Variants in SKAP1 observed in about 807,000 individuals in gnomAD.
The protein encoded by SKAP1 is src kinase associated phosphoprotein 1.
SKAP1 carries 44 observed loss-of-function variants against 58.5 expected under a neutral mutation model. That is an observed-to-expected ratio of 0.75 (90% CI 0.59 to 0.97). The LOEUF (loss-of-function observed/expected upper bound fraction) is 0.97. Ranked by LOEUF, SKAP1 falls within the 50% of genes least tolerant of loss-of-function variation. The pLI is 0.00. For synonymous variants in SKAP1, 127 were observed against 149.7 expected (o/e 0.85, Z 1.11); for missense variants, 390 against 435.2 (o/e 0.90, Z 0.92).
intron 4 of SKAP1, among the ~76,000 whole-genome samples, chr17:48,271,487 C>T (rs1011400037): frequency 2.0e-5 from 3 of 151,438 alleles, no homozygotes. Context: ...ACACCTCAGC[C>T]TCTTGAGTAG....
intron 4 of SKAP1, among the ~76,000 whole-genome samples, chr17:48,330,595 G>T (rs190730275): frequency 6.6e-6 from 1 of 152,204 alleles, no homozygotes; most frequent in Non-Finnish European, 1.5e-5. Context: ...TCTGCAACCC[G>T]CCCTCTTCAT....
At chr17:48,411,441 G>A (rs1161587019) in intron 1 of SKAP1, among the ~76,000 whole-genome samples, 1 of 138,798 alleles carries the variant, frequency 7.2e-6, no homozygotes, top group Non-Finnish European at 1.6e-5. Context: ...AAATAAATGG[G>A]AGACAAGAGA....
At position 48,408,707 on chromosome 17, in the gene SKAP1, T is replaced by C. The variant is rs187840256; in HGVS notation, c.47-11922A>G. Among the ~76,000 whole-genome samples the C allele has an allele frequency of 3.2e-4, 49 of 152,342 alleles. 1 individual carries two copies. The South Asian group carries it at 4.8e-3, about 15-fold the overall frequency. On this transcript the variant is annotated intron_variant, in intron 1 of 12. Coordinates refer to ENST00000336915, the MANE Select transcript of SKAP1 (RefSeq NM_003726.4). ...GATAAATGGCAAAAATGTCATCTAA[T>C]GGTATTTATATCTACTAGTGACAAA...
At chr17:48,182,802 A>G (rs1028802777) in intron 7 of SKAP1, among the ~76,000 whole-genome samples, 2 of 152,246 alleles carry the variant, frequency 1.3e-5, no homozygotes, top group Non-Finnish European at 2.9e-5. Context: ...GAACACTAAA[A>G]GGAGGCACAT....
At chr17:48,441,128 A>G in the SKAP1 span, among the ~76,000 whole-genome samples, 1 of 152,150 alleles carries the variant, frequency 6.6e-6, no homozygotes, top group African/African-American at 2.4e-5. Flanking sequence ...CAAAAACCAA[A>G]CAAACAAACA....
chr17:48,333,813 C>T (rs12950437), intron 4 of SKAP1, among the ~76,000 whole-genome samples: 4,475 of 151,946 alleles, frequency 0.029, 243 homozygotes, highest in African/African-American at 0.1. Flanking sequence ...AGGGGGAAAA[C>T]ATTTAAAATA....
upstream of SKAP1, among the ~76,000 whole-genome samples, chr17:48,434,013 G>A (rs1567912728): frequency 6.6e-6 from 1 of 152,210 alleles, no homozygotes; most frequent in South Asian, 2.1e-4. Context: ...GCTGAAATGG[G>A]TCTGGAGAGG....
At chr17:48,287,156 A>G in intron 4 of SKAP1, among the ~76,000 whole-genome samples, 1 of 151,922 alleles carries the variant, frequency 6.6e-6, no homozygotes, top group East Asian at 1.9e-4. Context: ...CATCTAGATA[A>G]TTTTAATTTC....
intron 4 of SKAP1, among the ~76,000 whole-genome samples, chr17:48,321,666 C>T: frequency 6.6e-6 from 1 of 152,128 alleles, no homozygotes. Flanking sequence ...GCGTGAGCCA[C>T]CGCGCTCGGC....
intron 1 of SKAP1, among the ~76,000 whole-genome samples, chr17:48,419,287 CTT>C (rs1206720011): frequency 1.4e-5 from 2 of 142,626 alleles, no homozygotes; most frequent in East Asian, 2.0e-4. Flanking sequence ...GAATTTGGGG[CTT>C]TTTTTTTTTT....
intron 4 of SKAP1, among the ~76,000 whole-genome samples, chr17:48,330,784 C>T (rs192415682): frequency 2.0e-5 from 3 of 150,330 alleles, no homozygotes; most frequent in Non-Finnish European, 4.4e-5. Flanking sequence ...TGAAGAGTGG[C>T]GAATCACAAA....
chr17:48,146,288 C>T (rs2063831839), intron 11 of SKAP1, among the ~76,000 whole-genome samples: 1 of 151,858 alleles, frequency 6.6e-6, no homozygotes, highest in South Asian at 2.1e-4. Flanking sequence ...GTCAGGAGTT[C>T]GAGACCAGCC....
chr17:48,180,324 G>A, intron 8 of SKAP1, 76 bp from the exon 9 acceptor site: 1 of 1,109,058 alleles, frequency 9.0e-7, no homozygotes, highest in Admixed American at 2.8e-5. Context: ...GAGGGAGAAG[G>A]AGGAGGAGGG....
At chr17:48,192,708 T>G (rs2064564765) in intron 4 of SKAP1, among the ~76,000 whole-genome samples, 1 of 152,218 alleles carries the variant, frequency 6.6e-6, no homozygotes, top group Admixed American at 6.5e-5. Flanking sequence ...CTGCTTCGCT[T>G]ATTTAATTTC....
intron 9 of SKAP1, among the ~76,000 whole-genome samples, chr17:48,175,872 C>CAG (rs2064282910): frequency 1.3e-5 from 2 of 152,248 alleles, no homozygotes; most frequent in South Asian, 4.1e-4. Flanking sequence ...GGCTGGGGCT[C>CAG]AGTGGGCATG....
chr17:48,177,849 G>A (rs1447623268), intron 9 of SKAP1, among the ~76,000 whole-genome samples: 1 of 152,152 alleles, frequency 6.6e-6, no homozygotes, highest in Non-Finnish European at 1.5e-5. Flanking sequence ...CCTGTTGGCT[G>A]GGTACAGTGT....
intron 3 of SKAP1, among the ~76,000 whole-genome samples, chr17:48,354,658 C>T (rs2066852108): frequency 6.6e-6 from 1 of 152,060 alleles, no homozygotes; most frequent in African/African-American, 2.4e-5. Context: ...CTTAGCAGTC[C>T]CTTTCCTGTG....
At chr17:48,187,246 G>A (rs527503958) in intron 6 of SKAP1, among the ~76,000 whole-genome samples, 1 of 152,314 alleles carries the variant, frequency 6.6e-6, no homozygotes, top group African/African-American at 2.4e-5. Flanking sequence ...ACTTGATTAA[G>A]TCAGTGGTGG....
intron 4 of SKAP1, among the ~76,000 whole-genome samples, chr17:48,275,784 G>C (rs957862707): frequency 2.0e-5 from 3 of 152,188 alleles, no homozygotes; most frequent in African/African-American, 4.8e-5. Flanking sequence ...ATCATCACCA[G>C]ATGTCCTCAT....
Sources: gnomAD v4.1 joint callset for allele counts (sites outside exome capture counted in the v4.1 genomes callset) on GRCh38, gnomAD v4.1.1 for gene constraint, MANE v1.5 for transcripts, NCBI Gene and HGNC (gene_info 2026-07-23, HGNC 2026-07-21) for gene names.